PHACTR4: variants seen among roughly 807,000 people sequenced by gnomAD.
PHACTR4 encodes phosphatase and actin regulator 4.
In PHACTR4, 51 loss-of-function variants were observed where a neutral mutation model predicts 72.7. The ratio of observed to expected loss-of-function variants is 0.70; its 90% CI spans 0.56 to 0.89. The LOEUF is 0.89. PHACTR4 is among the 40% of genes least tolerant of loss of function. The pLI is 0.00. For synonymous variants in PHACTR4, 255 were observed against 302.5 expected (o/e 0.84, Z 1.63); for missense variants, 731 against 861.8 (o/e 0.85, Z 1.90).
chr1:28,435,915 A>G (rs1557812264), intron 2 of PHACTR4, among the ~76,000 whole-genome samples: 3 of 152,162 alleles, frequency 2.0e-5, no homozygotes, highest in Non-Finnish European at 2.9e-5. Context: ...GCATTATTGA[A>G]TTGTGCTTTC....
intron 1 of PHACTR4, among the ~76,000 whole-genome samples, chr1:28,387,790 C>T (rs1212064091): frequency 6.6e-6 from 1 of 151,866 alleles, no homozygotes; most frequent in African/African-American, 2.4e-5. Context: ...TGCAATGGCA[C>T]GATCTTGGCC....
intron 2 of PHACTR4, among the ~76,000 whole-genome samples, chr1:28,452,335 A>G (rs1005024190): frequency 6.6e-6 from 1 of 152,102 alleles, no homozygotes; most frequent in Non-Finnish European, 1.5e-5. Context: ...GTGAGACCCC[A>G]TCTCTACAAA....
chr1:28,465,201 G>A (rs910186972), intron 4 of PHACTR4, among the ~76,000 whole-genome samples: 4 of 152,162 alleles, frequency 2.6e-5, no homozygotes, highest in South Asian at 2.1e-4. Context: ...GGTGGCTCAC[G>A]CCTGTAATCC....
chr1:28,418,967 A>G (rs1655303885), intron 2 of PHACTR4, among the ~76,000 whole-genome samples: 1 of 146,118 alleles, frequency 6.8e-6, no homozygotes, highest in African/African-American at 2.6e-5. Flanking sequence ...TAAAAAAAGG[A>G]GAAAAATTTA....
chr1:28,403,752 C>A (rs932844425), intron 1 of PHACTR4, among the ~76,000 whole-genome samples: 1 of 152,072 alleles, frequency 6.6e-6, no homozygotes, highest in Non-Finnish European at 1.5e-5. Context: ...TCCCCACCCA[C>A]CCCCAACATA....
At chr1:28,474,690 G>A (rs1315005703) in intron 7 of PHACTR4, among the ~76,000 whole-genome samples, 1 of 149,890 alleles carries the variant, frequency 6.7e-6, no homozygotes. Flanking sequence ...CTACAGGCAT[G>A]TGCCACCACA....
intron 2 of PHACTR4, among the ~76,000 whole-genome samples, chr1:28,452,492 G>A (rs1658048845): frequency 6.6e-6 from 1 of 151,770 alleles, no homozygotes; most frequent in African/African-American, 2.4e-5. Flanking sequence ...CTGGGCAAGA[G>A]TGAGATGCTG....
At chr1:28,496,204 G>C (rs1030271433) in intron 13 of PHACTR4, among the ~76,000 whole-genome samples, 1 of 151,632 alleles carries the variant, frequency 6.6e-6, no homozygotes, top group Non-Finnish European at 1.5e-5. Context: ...CTACAGGTGC[G>C]CGCCACCACG....
intron 2 of PHACTR4, chr1:28,453,599 C>G: frequency 9.1e-7 from 1 of 1,092,952 alleles, no homozygotes; most frequent in Non-Finnish European, 1.3e-6. Context: ...GGATGCATTT[C>G]TGACCTTCTA....
intron 2 of PHACTR4, among the ~76,000 whole-genome samples, chr1:28,447,058 T>G (rs1657530680): frequency 6.6e-6 from 1 of 150,862 alleles, no homozygotes. Flanking sequence ...TTGCCCAGGC[T>G]GGAGTCCAGT....
chr1:28,497,053 T>TA lies in PHACTR4; in HGVS notation c.*505dup, dbSNP rs1211011372. ...TCTCTACCTCCAGGGAAAGCCTTCT[T>TA]ACCACACTGGCATATCAGATGAAAG... is the stretch of plus-strand genomic sequence containing the variant. On this transcript the variant is annotated 3_prime_UTR_variant, in exon 14 of 14. Coordinates refer to ENST00000373839, the MANE Select transcript of PHACTR4 (RefSeq NM_001048183.3). 1.6e-5 allele frequency: 3 copies of TA among 185,502 alleles called. No homozygotes were observed. Among genetic ancestry groups the TA allele is most frequent in the Non-Finnish European group, 3.4e-5 (3 of 89,018 alleles). 11.5% of individuals were successfully genotyped at this position (185,502 alleles called of 1,614,324 possible).
At chr1:28,458,108 TTGTGTGTGTGTGTGTGTGTGTGTGTGTG>T (rs539564108) in intron 2 of PHACTR4, among the ~76,000 whole-genome samples, 1 of 120,290 alleles carries the variant, frequency 8.3e-6, no homozygotes, top group African/African-American at 3.6e-5. Context: ...GTGTGTGTGT[TTGTGTGTGTGTGTGTGTGTGTGTGTGTG>T]TGTGTGTGTG....
At position 28,453,711 on chromosome 1, in the gene PHACTR4, C is replaced by T. The variant is rs1658151246; in HGVS notation, c.17-5374C>T. 20 of 1,258,970 alleles carry T rather than the reference C, an allele frequency of 1.6e-5. 1 individual carries two copies. In the South Asian group the frequency reaches 2.4e-4, roughly 15 times the overall value. 78.0% of individuals were successfully genotyped at this position (1,258,970 alleles called of 1,614,324 possible). On this transcript the variant is annotated intron_variant, in intron 2 of 13. Coordinates refer to ENST00000373839, the MANE Select transcript of PHACTR4 (RefSeq NM_001048183.3). ...GGTTCCTCTTACTTCAATTTGAACC[C>T]ATTTGAGGTTCTTCAGTTAGATCCT... is the stretch of plus-strand genomic sequence containing the variant.
intron 1 of PHACTR4, among the ~76,000 whole-genome samples, chr1:28,397,447 CTT>C (rs893041626): frequency 6.6e-6 from 1 of 152,092 alleles, no homozygotes; most frequent in Non-Finnish European, 1.5e-5. Context: ...AACCAGTAAA[CTT>C]TTGTTCTTTT....
intron 2 of PHACTR4, among the ~76,000 whole-genome samples, chr1:28,433,717 G>C (rs1461247608): frequency 1.3e-5 from 2 of 151,650 alleles, no homozygotes; most frequent in East Asian, 3.9e-4. Flanking sequence ...CTCGGTTTCT[G>C]AAAGTGCTGG....
chr1:28,462,514 T>G (rs771117535), intron 4 of PHACTR4, among the ~76,000 whole-genome samples: 14 of 152,054 alleles, frequency 9.2e-5, no homozygotes, highest in Admixed American at 2.0e-4. Context: ...ATTATAGGCA[T>G]GCATCACCAC....
intron 1 of PHACTR4, among the ~76,000 whole-genome samples, chr1:28,391,756 C>T (rs937244382): frequency 1.3e-4 from 19 of 151,722 alleles, no homozygotes; most frequent in African/African-American, 4.6e-4. Context: ...CAGGCATGCA[C>T]CACCATGCCC....
intron 13 of PHACTR4, 32 bp downstream of exon 13, chr1:28,493,123 C>G: frequency 6.3e-7 from 1 of 1,580,798 alleles, no homozygotes; most frequent in Non-Finnish European, 8.7e-7. Context: ...CATATATGTG[C>G]TAGGTAGAGT....
At chr1:28,437,974 G>A (rs1351666239) in intron 2 of PHACTR4, among the ~76,000 whole-genome samples, 2 of 152,144 alleles carry the variant, frequency 1.3e-5, no homozygotes, top group South Asian at 2.1e-4. Context: ...GTGTACTCTT[G>A]AGCAGGCTCC....
Sources: gnomAD v4.1 joint callset for allele counts (sites outside exome capture counted in the v4.1 genomes callset) on GRCh38, gnomAD v4.1.1 for gene constraint, MANE v1.5 for transcripts, NCBI Gene and HGNC (gene_info 2026-07-23, HGNC 2026-07-21) for gene names.